LIPA: variants seen among roughly 807,000 people sequenced by gnomAD.
LIPA encodes lipase A, lysosomal acid type, also known as lysosomal acid lipase/cholesteryl ester hydrolase.
In LIPA, 26 loss-of-function variants were observed where a neutral mutation model predicts 40.6. The ratio of observed to expected loss-of-function variants is 0.64; its 90% CI spans 0.47 to 0.89. LIPA has a LOEUF of 0.89. Ranked by LOEUF, LIPA falls within the 40% of genes least tolerant of loss-of-function variation. The pLI is 0.00. For synonymous variants in LIPA, 188 were observed against 168.4 expected (o/e 1.12, Z -0.90); for missense variants, 455 against 479.6 (o/e 0.95, Z 0.48).
intron 8 of LIPA, among the ~76,000 whole-genome samples, chr10:89,221,637 T>C (rs1248658470): frequency 6.6e-6 from 1 of 152,190 alleles, no homozygotes; most frequent in Non-Finnish European, 1.5e-5. Context: ...TTGTTTCATA[T>C]TAAAAATGAA....
At chr10:89,320,989 T>C (rs1279387055) in intron 1 of LIPA, among the ~76,000 whole-genome samples, 11 of 152,030 alleles carry the variant, frequency 7.2e-5, no homozygotes, top group African/African-American at 2.2e-4. Flanking sequence ...ATTTAATAAA[T>C]GGTGCTGGGA....
chr10:89,318,969 T>G (rs2133531173), intron 1 of LIPA, among the ~76,000 whole-genome samples: 1 of 152,224 alleles, frequency 6.6e-6, no homozygotes, highest in South Asian at 2.1e-4. Flanking sequence ...GACTACTGGG[T>G]ACATAAGAAA....
At chr10:89,410,010 T>C (rs1425852422) in intron 2 of LIPA, among the ~76,000 whole-genome samples, 2 of 152,168 alleles carry the variant, frequency 1.3e-5, no homozygotes, top group African/African-American at 4.8e-5. Context: ...AAACTTTTCT[T>C]TAAACATCAC....
intron 2 of LIPA, chr10:89,402,705 G>A (rs776030294): frequency 2.5e-6 from 4 of 1,614,076 alleles, no homozygotes; most frequent in Non-Finnish European, 3.4e-6. Flanking sequence ...AATAGACTGT[G>A]AGGAAGGATG....
chr10:89,221,458 G>A (rs775150598), intron 8 of LIPA, among the ~76,000 whole-genome samples: 4 of 152,172 alleles, frequency 2.6e-5, no homozygotes, highest in Admixed American at 6.5e-5. Flanking sequence ...GCCAATCCAA[G>A]AATTCCACTA....
intron 1 of LIPA, among the ~76,000 whole-genome samples, chr10:89,248,807 C>T (rs1171304090): frequency 6.6e-6 from 1 of 152,128 alleles, no homozygotes; most frequent in African/African-American, 2.4e-5. Flanking sequence ...ACTAAGAAAC[C>T]TCCCACCCAC....
chr10:89,294,268 A>AT (rs1843395580), intron 1 of LIPA, among the ~76,000 whole-genome samples: 2 of 152,312 alleles, frequency 1.3e-5, no homozygotes, highest in Middle Eastern at 3.4e-3. Context: ...GTCTTAGTCC[A>AT]TTTTTTTCTG....
At chr10:89,370,613 G>A (rs1844086330) in intron 2 of LIPA, among the ~76,000 whole-genome samples, 2 of 152,086 alleles carry the variant, frequency 1.3e-5, no homozygotes, top group African/African-American at 4.8e-5. Flanking sequence ...GCCATTTGGG[G>A]CCAGATAACT....
intron 2 of LIPA, among the ~76,000 whole-genome samples, chr10:89,380,074 T>G (rs1844151841): frequency 6.6e-6 from 1 of 151,860 alleles, no homozygotes; most frequent in African/African-American, 2.4e-5. Flanking sequence ...TGTGTCTGCA[T>G]CTGTGGAGTT....
At chr10:89,327,629 T>C (rs1372734082) in intron 1 of LIPA, among the ~76,000 whole-genome samples, 1 of 152,150 alleles carries the variant, frequency 6.6e-6, no homozygotes, top group Non-Finnish European at 1.5e-5. Flanking sequence ...TAATGAGGCA[T>C]ATCCAGCTTC....
Position 89,329,362 on chromosome 10 carries a change from GA to G in LIPA, c.-2+13248del, listed in dbSNP as rs577060082. ...ATGTTAATTGTGTCTGTGTGAGTGG[GA>G]TTGACCAGAGAGCAAGGCGTCTTAG... On this transcript the variant is annotated intron_variant, in intron 1 of 5. Transcript: ENST00000282673. Among the ~76,000 whole-genome samples the G allele has an allele frequency of 1.7e-3, 262 of 152,262 alleles. 1 individual carries two copies. The highest frequency in any genetic ancestry group is 5.9e-3 in the African/African-American group (245 of 41,548).
intron 2 of LIPA, among the ~76,000 whole-genome samples, chr10:89,409,046 C>A (rs939108259): frequency 1.3e-5 from 2 of 152,188 alleles, no homozygotes; most frequent in African/African-American, 4.8e-5. Context: ...GGAAGAAAAT[C>A]CTTCTGCCGT....
At chr10:89,403,294 A>C in intron 2 of LIPA, 3 of 1,614,166 alleles carry the variant, frequency 1.9e-6, no homozygotes, top group Non-Finnish European at 2.5e-6. Context: ...CCCACATTTG[A>C]GGTGGCTCAT....
chr10:89,331,126 A>T (rs1020498481), intron 1 of LIPA, among the ~76,000 whole-genome samples: 3 of 152,158 alleles, frequency 2.0e-5, no homozygotes, highest in African/African-American at 7.2e-5. Flanking sequence ...GCAAAGACAG[A>T]GGTGTTCAAC....
upstream of LIPA, among the ~76,000 whole-genome samples, chr10:89,254,226 C>A (rs1212794524): frequency 6.6e-6 from 1 of 152,232 alleles, no homozygotes; most frequent in African/African-American, 2.4e-5. Context: ...GGGCCCCACC[C>A]CTGCAGCAAA....
intron 2 of LIPA, chr10:89,393,098 T>C: frequency 1.5e-6 from 2 of 1,291,366 alleles, no homozygotes; most frequent in Non-Finnish European, 2.0e-6. Flanking sequence ...GAGGCATTGC[T>C]TTCTGCAGGT....
upstream of LIPA, among the ~76,000 whole-genome samples, chr10:89,346,571 C>T (rs769740236): frequency 1.3e-4 from 20 of 152,206 alleles, no homozygotes; most frequent in Non-Finnish European, 2.8e-4. Context: ...AGAATATTCA[C>T]TTCCCTTGAT....
intron 7 of LIPA, among the ~76,000 whole-genome samples, chr10:89,223,115 C>T (rs1842721423): frequency 6.6e-6 from 1 of 152,060 alleles, no homozygotes; most frequent in African/African-American, 2.4e-5. Flanking sequence ...CAAGCATACA[C>T]TTATGTGTAT....
intron 1 of LIPA, among the ~76,000 whole-genome samples, chr10:89,280,320 A>G (rs1843308431): frequency 6.6e-6 from 1 of 152,226 alleles, no homozygotes; most frequent in Non-Finnish European, 1.5e-5. Context: ...CAAAAGGAAG[A>G]ATCTCCCTCC....
Sources: allele counts gnomAD v4.1 joint callset (sites outside exome capture counted in the v4.1 genomes callset), GRCh38; gene constraint gnomAD v4.1.1; transcripts MANE v1.5; gene names NCBI Gene and HGNC (gene_info 2026-07-23, HGNC 2026-07-21).